CHRM3: variants seen among roughly 807,000 people sequenced by gnomAD.
The protein encoded by CHRM3 is muscarinic acetylcholine receptor M3.
In CHRM3, 11 loss-of-function variants were observed where a neutral mutation model predicts 41.8. That is an observed-to-expected ratio of 0.26 (90% CI 0.17 to 0.44). The LOEUF (loss-of-function observed/expected upper bound fraction) is 0.44, where lower values mean the gene tolerates loss of function less well. CHRM3 is among the 20% of genes least tolerant of loss of function. The probability of loss-of-function intolerance (pLI) is 1.00; values close to 1 mark genes in which losing one functional copy is unlikely to be tolerated. For synonymous variants in CHRM3, 297 were observed against 301.4 expected (o/e 0.99, Z 0.15); for missense variants, 571 against 745.4 (o/e 0.77, Z 2.72).
At chr1:239,897,330 G>T (rs138629977) in intron 6 of CHRM3, among the ~76,000 whole-genome samples, 3 of 152,076 alleles carry the variant, frequency 2.0e-5, no homozygotes, top group African/African-American at 4.8e-5. Flanking sequence ...AAGCGATCAC[G>T]AGTCTAACTT....
intron 5 of CHRM3, among the ~76,000 whole-genome samples, chr1:239,680,955 C>T (rs1307511931): frequency 6.6e-6 from 1 of 152,068 alleles, no homozygotes; most frequent in African/African-American, 2.4e-5. Context: ...TTCCACATGG[C>T]TGGGGAGGCC....
intron 2 of CHRM3, among the ~76,000 whole-genome samples, chr1:239,521,134 G>A (rs1324097103): frequency 6.6e-6 from 1 of 152,154 alleles, no homozygotes; most frequent in African/African-American, 2.4e-5. Flanking sequence ...GCAGCATCCA[G>A]AATTCTATTA....
At chr1:239,580,691 A>ATATATATATATATATG (rs1415677097) in intron 3 of CHRM3, among the ~76,000 whole-genome samples, 1 of 130,968 alleles carries the variant, frequency 7.6e-6, no homozygotes, top group East Asian at 2.1e-4. Context: ...GCCCAATTTT[A>ATATATATATATATATG]TATATATATA....
chr1:239,872,295 T>A (rs1202928176), intron 6 of CHRM3, among the ~76,000 whole-genome samples: 6 of 152,218 alleles, frequency 3.9e-5, no homozygotes, highest in Non-Finnish European at 8.8e-5. Context: ...AGGCCTTAGT[T>A]TTCATCTCTA....
intron 5 of CHRM3, among the ~76,000 whole-genome samples, chr1:239,806,239 G>A (rs563924716): frequency 6.6e-6 from 1 of 152,280 alleles, no homozygotes; most frequent in South Asian, 2.1e-4. Flanking sequence ...TCTCCCGACT[G>A]TCTGCTTAAA....
At chr1:239,643,742 C>G (rs1350916956) in intron 4 of CHRM3, among the ~76,000 whole-genome samples, 1 of 152,196 alleles carries the variant, frequency 6.6e-6, no homozygotes, top group East Asian at 1.9e-4. Flanking sequence ...ATGCCTCAAC[C>G]TGCTTTGGCT....
rs1465390762 is a variant in CHRM3, at chr1:239,434,500, A to G, written c.-521+47273A>G. Among the ~76,000 whole-genome samples, 7 of 152,166 alleles carry G rather than the reference A, an allele frequency of 4.6e-5. No homozygotes were observed. The East Asian group carries it at 7.7e-4, about 17-fold the overall frequency. On this transcript the variant is annotated intron_variant, in intron 1 of 6. Coordinates refer to ENST00000676153, the MANE Select transcript of CHRM3 (RefSeq NM_001375978.1). The stretch of plus-strand genomic sequence containing the variant: ...CAAGAACACTGTGTGCGTGCCTCCT[A>G]TAATTTACCACGTCTGTTTATATGA...
At chr1:239,743,001 A>G (rs1228038249) in intron 5 of CHRM3, among the ~76,000 whole-genome samples, 1 of 152,210 alleles carries the variant, frequency 6.6e-6, no homozygotes, top group African/African-American at 2.4e-5. Context: ...TCATGTCAGA[A>G]TATGTTCAGT....
At chr1:239,793,860 T>C (rs966154744) in intron 5 of CHRM3, among the ~76,000 whole-genome samples, 4 of 125,462 alleles carry the variant, frequency 3.2e-5, no homozygotes, top group African/African-American at 1.2e-4. Flanking sequence ...CAACCCAGGC[T>C]GGAGTGCAAT....
At chr1:239,793,803 ATTTTTTTTT>A (rs67460907) in intron 5 of CHRM3, among the ~76,000 whole-genome samples, 2 of 69,496 alleles carry the variant, frequency 2.9e-5, no homozygotes, top group Admixed American at 2.3e-4. Flanking sequence ...TGAAATGTGT[ATTTTTTTTT>A]TTTTTTTTTT....
At chr1:239,784,430 C>T (rs999166351) in intron 5 of CHRM3, among the ~76,000 whole-genome samples, 9 of 151,784 alleles carry the variant, frequency 5.9e-5, no homozygotes, top group Admixed American at 5.3e-4. Context: ...TTTTAGTGGT[C>T]GCCTTAAAGT....
At chr1:239,837,071 G>A (rs545127052) in intron 6 of CHRM3, among the ~76,000 whole-genome samples, 1 of 152,110 alleles carries the variant, frequency 6.6e-6, no homozygotes, top group East Asian at 1.9e-4. Flanking sequence ...AGTAATGCAT[G>A]ATAAACAGGG....
chr1:239,798,472 A>G (rs1296558106), intron 5 of CHRM3, among the ~76,000 whole-genome samples: 1 of 152,186 alleles, frequency 6.6e-6, no homozygotes, highest in Non-Finnish European at 1.5e-5. Flanking sequence ...TATTCCTAGC[A>G]CATAGAACAG....
At chr1:239,722,116 T>G (rs1342633230) in intron 5 of CHRM3, among the ~76,000 whole-genome samples, 1 of 151,950 alleles carries the variant, frequency 6.6e-6, no homozygotes, top group East Asian at 1.9e-4. Flanking sequence ...CATAAATCAT[T>G]CAGTTCCTTT....
At chr1:239,418,814 T>G (rs1315221369) in intron 1 of CHRM3, among the ~76,000 whole-genome samples, 1 of 152,182 alleles carries the variant, frequency 6.6e-6, no homozygotes, top group Non-Finnish European at 1.5e-5. Flanking sequence ...GGATAATCAG[T>G]CATTTGAATG....
At chr1:239,904,965 C>T (rs1470346692) in intron 6 of CHRM3, among the ~76,000 whole-genome samples, 1 of 152,148 alleles carries the variant, frequency 6.6e-6, no homozygotes, top group African/African-American at 2.4e-5. Context: ...TAGAGTCAGA[C>T]AGCTCCTGAG....
At chr1:239,583,492 G>A (rs1432646814) in intron 3 of CHRM3, among the ~76,000 whole-genome samples, 1 of 152,178 alleles carries the variant, frequency 6.6e-6, no homozygotes, top group Non-Finnish European at 1.5e-5. Context: ...TAGTTGGGAA[G>A]ACGGGACGTC....
intron 1 of CHRM3, among the ~76,000 whole-genome samples, chr1:239,398,955 A>G (rs1217175663): frequency 6.6e-6 from 1 of 152,218 alleles, no homozygotes; most frequent in African/African-American, 2.4e-5. Context: ...TAAGGTAAGA[A>G]AAAAGAAAAA....
chr1:239,873,355 A>C (rs893165752), intron 6 of CHRM3, among the ~76,000 whole-genome samples: 2 of 151,370 alleles, frequency 1.3e-5, no homozygotes, highest in African/African-American at 2.4e-5. Flanking sequence ...CTTTTTTTTT[A>C]TTTATTTTTA....
Sources: gnomAD v4.1 joint callset for allele counts (sites outside exome capture counted in the v4.1 genomes callset) on GRCh38, gnomAD v4.1.1 for gene constraint, MANE v1.5 for transcripts, NCBI Gene and HGNC (gene_info 2026-07-23, HGNC 2026-07-21) for gene names.